TENM3: variants seen among roughly 807,000 people sequenced by gnomAD.
TENM3 encodes the protein teneurin transmembrane protein 3, also known as teneurin-3.
Under a neutral mutation model 255.1 loss-of-function variants are expected in TENM3, and 63 were observed. The ratio of observed to expected loss-of-function variants is 0.25; its 90% CI spans 0.20 to 0.30. TENM3 has a LOEUF of 0.30. Among genes scored for constraint, TENM3 ranks in the 10% least tolerant of loss-of-function variants. TENM3 has a pLI of 1.00. For missense variants in TENM3, 2,929 were observed against 3,461.1 expected (o/e 0.85, Z 3.86); for synonymous variants, 1,306 against 1,322.3 (o/e 0.99, Z 0.27).
At chr4:182,402,088 T>C (rs1462119300) in intron 3 of TENM3, among the ~76,000 whole-genome samples, 1 of 152,204 alleles carries the variant, frequency 6.6e-6, no homozygotes, top group Admixed American at 6.5e-5. Context: ...AAACGGTTCT[T>C]ACTCACCTGT....
At chr4:182,405,360 G>T (rs1769492392) in intron 3 of TENM3, among the ~76,000 whole-genome samples, 1 of 152,146 alleles carries the variant, frequency 6.6e-6, no homozygotes, top group South Asian at 2.1e-4. Context: ...TACCTCTCTC[G>T]TCACTTTTCC....
At chr4:181,743,746 A>AT in the TENM3 span, among the ~76,000 whole-genome samples, 1 of 152,050 alleles carries the variant, frequency 6.6e-6, no homozygotes, top group African/African-American at 2.4e-5. Context: ...TTTAAAGGAC[A>AT]TTTTTCCTGG....
At chr4:182,061,230 C>A in the TENM3 span, among the ~76,000 whole-genome samples, 6 of 152,062 alleles carry the variant, frequency 3.9e-5, no homozygotes, top group Non-Finnish European at 8.8e-5. Context: ...TTGCAACTGG[C>A]GAGGAAGTGG....
the TENM3 span, among the ~76,000 whole-genome samples, chr4:181,926,124 C>G: frequency 6.6e-6 from 1 of 152,154 alleles, no homozygotes; most frequent in African/African-American, 2.4e-5. Flanking sequence ...TTTGAAAAGT[C>G]TTTAAAATTC....
the TENM3 span, among the ~76,000 whole-genome samples, chr4:181,828,818 G>A: frequency 6.6e-6 from 1 of 152,142 alleles, no homozygotes; most frequent in Non-Finnish European, 1.5e-5. Flanking sequence ...TTGAACTCCT[G>A]ACCTCAAGTG....
chr4:181,966,938 A>C, the TENM3 span, among the ~76,000 whole-genome samples: 1 of 150,758 alleles, frequency 6.6e-6, no homozygotes, highest in Non-Finnish European at 1.5e-5. Context: ...TATGAAGACA[A>C]TCTCTCTCTT....
At chr4:182,364,902 A>T (rs1163507628) in intron 3 of TENM3, among the ~76,000 whole-genome samples, 3 of 152,168 alleles carry the variant, frequency 2.0e-5, no homozygotes, top group Non-Finnish European at 4.4e-5. Context: ...CTTTGCCTCT[A>T]ATTCTGTTAT....
chr4:182,572,054 A>T (rs1437731592), intron 3 of TENM3, among the ~76,000 whole-genome samples: 2 of 152,128 alleles, frequency 1.3e-5, no homozygotes, highest in East Asian at 3.9e-4. Flanking sequence ...GGCGCCTGCC[A>T]CCACGCCCGG....
At chr4:182,377,501 A>G (rs1462346566) in intron 3 of TENM3, among the ~76,000 whole-genome samples, 1 of 152,064 alleles carries the variant, frequency 6.6e-6, no homozygotes, top group East Asian at 1.9e-4. Flanking sequence ...TTTAGTAGAG[A>G]TGAGGTTTCA....
chr4:182,702,829 C>T lies in TENM3; in HGVS notation c.2222-11258C>T, dbSNP rs1268535814. On this transcript the variant is annotated intron_variant, in intron 12 of 27. Transcript: ENST00000511685. ...CTCGGCTCACTGCAAGCTCCACCTC[C>T]CGGGTGCAGCCATTCTCCTGCCTCA... Among the ~76,000 whole-genome samples the T allele has an allele frequency of 3.3e-5, 5 of 152,130 alleles. No individual in the cohort carries two copies. The East Asian group carries it at 9.7e-4, about 29-fold the overall frequency.
chr4:181,740,687 G>GA, the TENM3 span, among the ~76,000 whole-genome samples: 55 of 144,114 alleles, frequency 3.8e-4, no homozygotes, highest in Non-Finnish European at 4.4e-4. Context: ...ATCAGCACTG[G>GA]AAAAAAAAAA....
At chr4:181,709,053 T>A in the TENM3 span, among the ~76,000 whole-genome samples, 1 of 152,222 alleles carries the variant, frequency 6.6e-6, no homozygotes, top group South Asian at 2.1e-4. Flanking sequence ...TCTGTAATAA[T>A]ACTTACAAAA....
intron 6 of TENM3, among the ~76,000 whole-genome samples, chr4:182,668,081 C>A (rs1035252847): frequency 2.6e-5 from 4 of 151,940 alleles, no homozygotes; most frequent in Non-Finnish European, 5.9e-5. Context: ...TCAAAGCATG[C>A]TAGTAGTCCT....
the TENM3 span, among the ~76,000 whole-genome samples, chr4:181,852,507 CCTT>C: frequency 6.6e-6 from 1 of 152,108 alleles, no homozygotes; most frequent in Non-Finnish European, 1.5e-5. Flanking sequence ...CAAAATCTGG[CCTT>C]CTTGTTTGTT....
At chr4:181,463,188 C>T in the TENM3 span, among the ~76,000 whole-genome samples, 57 of 152,284 alleles carry the variant, frequency 3.7e-4, no homozygotes, top group Non-Finnish European at 7.6e-4. Context: ...TTTCTTCCAC[C>T]TGGAATTTCC....
In TENM3 at chr4:182,324,108, A is replaced by C. The variant is rs1763238683; in HGVS notation, c.88A>C (p.Asn30His). Reference sequence around the variant, plus strand: ...GCGCTACACAAATTCCTCCGCAGACAATGAGGAGTGCCGGGTACCCACACA... The same window carrying C: ...GCGCTACACAAATTCCTCCGCAGACCATGAGGAGTGCCGGGTACCCACACA... Reference protein sequence around the residue: ...ERRYTNSSADNEECRVPTQKS... With the variant: ...ERRYTNSSADHEECRVPTQKS... Residue 30 changes from asparagine to histidine, a missense_variant, in exon 2 of 28, where the codon AAT (asparagine) becomes CAT (histidine). Around this residue, in one of 6 missense-constraint regions of TENM3, gnomAD observed 283 missense variants for 256.9 expected, o/e 1.10. Coordinates refer to ENST00000511685, the MANE Select transcript of TENM3 (RefSeq NM_001080477.4). 1.2e-6 allele frequency: 2 copies of C among 1,613,858 alleles called. No homozygotes were observed. The highest frequency in any genetic ancestry group is 1.7e-6 in the Non-Finnish European group (2 of 1,179,880).
chr4:182,343,214 A>G (rs1192439441), intron 2 of TENM3, among the ~76,000 whole-genome samples: 1 of 152,182 alleles, frequency 6.6e-6, no homozygotes, highest in Non-Finnish European at 1.5e-5. Context: ...TTTTAATCAC[A>G]GTGAATTCCA....
intron 11 of TENM3, 119 bp from the exon 12 acceptor site, chr4:182,688,047 T>G: frequency 1.1e-6 from 1 of 924,310 alleles, no homozygotes; most frequent in Non-Finnish European, 1.6e-6. Context: ...TGATTTCTTT[T>G]GGATGATTTT....
the TENM3 span, among the ~76,000 whole-genome samples, chr4:182,096,965 GAGGAATGCACATC>G: frequency 3.3e-5 from 5 of 152,174 alleles, no homozygotes; most frequent in Non-Finnish European, 5.9e-5. Context: ...ACTGTATTTT[GAGGAATGCACATC>G]AGGGTGATAA....
Sources: gnomAD v4.1 joint callset for allele counts (sites outside exome capture counted in the v4.1 genomes callset) on GRCh38, gnomAD v4.1.1 for gene constraint, gnomAD v4.1.1 regional missense constraint, MANE v1.5 for transcripts, NCBI Gene and HGNC (gene_info 2026-07-23, HGNC 2026-07-21) for gene names.